The following UCHL5 variants were observed in gnomAD, a reference collection of about 807,000 sequenced individuals.
UCHL5 encodes the protein ubiquitin carboxyl-terminal hydrolase isozyme L5.
A neutral mutation model predicts 53.8 loss-of-function variants in UCHL5; 34 were observed. That is an observed-to-expected ratio of 0.63 (90% CI 0.48 to 0.84). The LOEUF is 0.84. UCHL5 is among the 40% of genes least tolerant of loss of function. The pLI, the probability that UCHL5 is intolerant of heterozygous loss-of-function variation, is 0.00. For synonymous variants in UCHL5, 111 were observed against 126.3 expected, an observed-to-expected ratio of 0.88 and a Z score of 0.81; for missense variants, 290 against 385.6, an observed-to-expected ratio of 0.75 and a Z score of 2.08.
At position 193,021,282 on chromosome 1, in the gene UCHL5, T is replaced by C. The variant is rs1246340813; in HGVS notation, c.844-87A>G. On this transcript the variant is annotated intron_variant, in intron 9 of 10. Transcript: ENST00000367454. ...TGCATCCAACTCAAAATAGAAATGG[T>C]ATATCCATTCTCATAAGAAAATGAT... 7 of 809,370 alleles carry C rather than the reference T, an allele frequency of 8.6e-6. No individual in the cohort carries two copies. In the Admixed American group the frequency reaches 9.4e-5, roughly 11 times the overall value. The allele number at this position is 809,370 out of a possible 1,614,324, so 50.1% of individuals were successfully genotyped here. A position where few individuals can be genotyped will look rare whatever the true frequency, so the allele number is the denominator to read the frequency against.
chr1:193,029,708 G>C lies in UCHL5; in HGVS notation c.247-51C>G, dbSNP rs763830319. The C allele has an allele frequency of 2.7e-6, 4 of 1,460,838 alleles. No individual in the cohort carries two copies. In the South Asian group the frequency reaches 5.4e-5, roughly 20 times the overall value. The allele number at this position is 1,460,838 out of a possible 1,614,324, so 90.5% of individuals were successfully genotyped here. A position where few individuals can be genotyped will look rare whatever the true frequency, so the allele number is the denominator to read the frequency against. On this transcript the variant is annotated intron_variant, in intron 3 of 10. Coordinates refer to ENST00000367454, the MANE Select transcript of UCHL5 (RefSeq NM_001199261.3). ...CAATGTGTTTAAAAAAATAAAAAAT[G>C]GTTTTTAACTGGTGACAATGGCCCC... is the stretch of plus-strand genomic sequence containing the variant.
chr1:193,024,523 T>A (rs1403733298), intron 7 of UCHL5, among the ~76,000 whole-genome samples: 3 of 150,030 alleles, frequency 2.0e-5, no homozygotes, highest in Admixed American at 2.0e-4. Flanking sequence ...ATTATATAAT[T>A]TTTTCCAAGT....
At chr1:193,045,510 T>C (rs1325743512) in intron 3 of UCHL5, among the ~76,000 whole-genome samples, 1 of 152,192 alleles carries the variant, frequency 6.6e-6, no homozygotes, top group African/African-American at 2.4e-5. Context: ...ATGTGAGATG[T>C]CTGTTCCTAC....
chr1:193,018,334 T>C (rs944530198), intron 10 of UCHL5: 2 of 247,268 alleles, frequency 8.1e-6, no homozygotes, highest in African/African-American at 4.6e-5. Flanking sequence ...TGATTCATAA[T>C]TACATACAAA....
chr1:193,022,872 G>T, intron 9 of UCHL5, 54 bp downstream of exon 9: 1 of 1,258,648 alleles, frequency 7.9e-7, no homozygotes, highest in Non-Finnish European at 1.2e-6. Context: ...CCTTCATCTT[G>T]AAATATACTG....
At chr1:193,027,799 T>G in intron 7 of UCHL5, 1 of 780,770 alleles carries the variant, frequency 1.3e-6, no homozygotes, top group Non-Finnish European at 1.9e-6. Context: ...TTTTCTGAAA[T>G]AGACTTCTTA....
chr1:193,034,269 A>G (rs892136090), intron 3 of UCHL5, among the ~76,000 whole-genome samples: 10 of 152,082 alleles, frequency 6.6e-5, no homozygotes, highest in African/African-American at 2.4e-4. Context: ...GGAATTAGAA[A>G]TATAACTAAA....
upstream of UCHL5, chr1:193,059,779 G>A (rs1350359400): frequency 7.4e-7 from 1 of 1,357,054 alleles, no homozygotes; most frequent in South Asian, 1.2e-5. The surrounding 1 kb of genome is among the most constrained non-coding windows in gnomAD (Gnocchi z 4.9). Context: ...AGGTACAGGT[G>A]AGGACATTGC....
Position 193,049,759 on chromosome 1 carries a change from A to T in UCHL5, c.233T>A (p.Phe78Tyr), listed in dbSNP as rs140990934. 1.9e-4 allele frequency: 308 copies of T among 1,610,530 alleles called. 2 individuals are homozygous for T. In the African/African-American group the frequency reaches 3.6e-3, roughly 19 times the overall value. ...CAAGGACCATACCTGCTTAGCAAAAAATATCGTGTCAAGTCGGGAGTCCTG... is the reference window on the plus strand; with the variant it reads ...CAAGGACCATACCTGCTTAGCAAAATATATCGTGTCAAGTCGGGAGTCCTG... ...VVQDSRLDTI[F>Y]FAKQVINNAC... The change falls in exon 3 of 11, where the codon TTT becomes TAT. Residue 78 changes from phenylalanine (F) to tyrosine (Y), a missense_variant. By Grantham distance (22) the Phe-to-Tyr change is conservative. Transcript: ENST00000367454.
At chr1:193,044,890 G>A (rs1316692413) in intron 3 of UCHL5, among the ~76,000 whole-genome samples, 8 of 152,040 alleles carry the variant, frequency 5.3e-5, no homozygotes, top group African/African-American at 1.9e-4. Context: ...TAATATGAAC[G>A]TTAGCAAAAT....
intron 3 of UCHL5, among the ~76,000 whole-genome samples, chr1:193,037,268 C>A (rs1055493721): frequency 2.0e-5 from 3 of 151,574 alleles, no homozygotes; most frequent in African/African-American, 7.3e-5. Flanking sequence ...AAAAGAAAGA[C>A]GATCCAAATA....
At chr1:193,041,053 A>G (rs1665398477) in intron 3 of UCHL5, among the ~76,000 whole-genome samples, 2 of 152,178 alleles carry the variant, frequency 1.3e-5, no homozygotes, top group African/African-American at 4.8e-5. Context: ...TTAACAGAAG[A>G]AAGAAGACCT....
intron 3 of UCHL5, among the ~76,000 whole-genome samples, chr1:193,045,771 C>T (rs768257219): frequency 6.6e-6 from 1 of 152,076 alleles, no homozygotes; most frequent in African/African-American, 2.4e-5. Flanking sequence ...GCAGAGATTA[C>T]AAGACACTTT....
At chr1:193,029,366 A>G in intron 5 of UCHL5, 22 bp downstream of exon 5, 1 of 1,613,496 alleles carries the variant, frequency 6.2e-7, no homozygotes, top group Non-Finnish European at 8.5e-7. Flanking sequence ...AACAGTATTT[A>G]TTTAACATAA....
intron 3 of UCHL5, among the ~76,000 whole-genome samples, chr1:193,036,317 C>CAAAA (rs960496083): frequency 2.1e-3 from 107 of 50,788 alleles, no homozygotes; most frequent in South Asian, 3.6e-3. Flanking sequence ...AACTGGAAAC[C>CAAAA]AAAAAAAAAA....
chr1:193,022,749 A>T (rs1231673254), intron 9 of UCHL5, among the ~76,000 whole-genome samples, 177 bp downstream of exon 9: 2 of 149,054 alleles, frequency 1.3e-5, no homozygotes. Context: ...AATATTTTAC[A>T]AAAATAAAAA....
chr1:193,030,818 G>T (rs556035924), intron 3 of UCHL5, among the ~76,000 whole-genome samples: 1 of 152,106 alleles, frequency 6.6e-6, no homozygotes, highest in South Asian at 2.1e-4. Context: ...TGTTGGTAGA[G>T]GTTTTTAAGA....
upstream of UCHL5, chr1:193,059,702 T>C (rs1416143548): frequency 7.4e-7 from 1 of 1,356,154 alleles, no homozygotes; most frequent in Non-Finnish European, 9.8e-7. The surrounding 1 kb of genome is among the most constrained non-coding windows in gnomAD (Gnocchi z 4.9). Context: ...GCTGCCTTCT[T>C]TTGTCGTTTC....
Position 193,043,370 on chromosome 1 carries a change from T to A in UCHL5, c.246+6376A>T, listed in dbSNP as rs1425696375. On this transcript the variant is annotated intron_variant, in intron 3 of 10. Coordinates refer to ENST00000367454, the MANE Select transcript of UCHL5 (RefSeq NM_001199261.3). ...ACTTTTGCTATAAAGCTGTAATTAA[T>A]CTGGAATGATCCTGAACCTCTCTCC... Among the ~76,000 whole-genome samples, 3 of 152,108 alleles carry A rather than the reference T, an allele frequency of 2.0e-5. No homozygotes were observed. The East Asian group carries it at 5.8e-4, about 29-fold the overall frequency.
Sources: gnomAD v4.1 joint callset for allele counts (sites outside exome capture counted in the v4.1 genomes callset) on GRCh38, gnomAD v4.1.1 for gene constraint, Gnocchi (gnomAD v3.1) non-coding constraint, MANE v1.5 for transcripts, NCBI Gene and HGNC (gene_info 2026-07-23, HGNC 2026-07-21) for gene names.